The following ARMH1 variants were observed in gnomAD, a reference collection of about 807,000 sequenced individuals.
ARMH1 encodes the protein armadillo-like helical domain containing protein 1.
ARMH1 carries 34 observed loss-of-function variants against 50.2 expected under a neutral mutation model. The ratio of observed to expected loss-of-function variants is 0.68; its 90% CI spans 0.51 to 0.90. The LOEUF (loss-of-function observed/expected upper bound fraction) is 0.90, where lower values mean the gene tolerates loss of function less well. Among genes scored for constraint, ARMH1 ranks in the 40% least tolerant of loss-of-function variants. The pLI, the probability that ARMH1 is intolerant of heterozygous loss-of-function variation, is 0.00. For missense variants in ARMH1, 538 were observed against 553.9 expected (o/e 0.97, Z 0.29); for synonymous variants, 221 against 224.2 (o/e 0.99, Z 0.13).
In ARMH1 at chr1:44,707,695, C is replaced by T. The variant is rs561922677; in HGVS notation, c.724+3522C>T. ...CCTCCACATTCCAAAGTGCTGGGAT[C>T]ACAAGCGCAAGCCACTGCACCCAAC... On this transcript the variant is annotated intron_variant, in intron 6 of 11. Coordinates refer to ENST00000535358, the MANE Select transcript of ARMH1 (RefSeq NM_001145636.2). Among the ~76,000 whole-genome samples, 9 of 152,298 alleles carry T rather than the reference C, an allele frequency of 5.9e-5. No individual in the cohort carries two copies. The East Asian group carries it at 1.7e-3, about 29-fold the overall frequency.
chr1:44,697,029 C>T, intron 2 of ARMH1, 73 bp from the exon 3 acceptor site: 1 of 1,172,392 alleles, frequency 8.5e-7, no homozygotes, highest in Non-Finnish European at 1.2e-6. Context: ...GGGGTGGTAC[C>T]AGAGATCAGG....
At chr1:44,711,576 T>C (rs759414552) in intron 6 of ARMH1, among the ~76,000 whole-genome samples, 12 of 152,252 alleles carry the variant, frequency 7.9e-5, no homozygotes, top group Non-Finnish European at 1.6e-4. Context: ...TCATCAAATA[T>C]ATGGTTTCTC....
In ARMH1 at chr1:44,724,741, CG is replaced by C. The variant is rs1648016512; in HGVS notation, c.1051-20del. ...AGCCCCGTCGCCCCCGCAGTCACGC[CG>C]CCTCGCCCGCGCGGCGCAGTGCTTC... On this transcript the variant is annotated intron_variant, in intron 9 of 11. Coordinates refer to ENST00000535358, the MANE Select transcript of ARMH1 (RefSeq NM_001145636.2). This position sits in a 1 kb window ranked among gnomAD's most constrained non-coding sequence, Gnocchi z 6.4. 6.6e-7 allele frequency: 1 copy of C among 1,520,346 alleles called. No homozygotes were observed. The allele number at this position is 1,520,346 out of a possible 1,614,324, so 94.2% of individuals were successfully genotyped here.
chr1:44,676,367 G>T (rs140337675), intron 1 of ARMH1, among the ~76,000 whole-genome samples: 1 of 152,128 alleles, frequency 6.6e-6, no homozygotes, highest in African/African-American at 2.4e-5. Context: ...TGCAGTGTGG[G>T]AGTCTATGGG....
chr1:44,684,169 T>C (rs1389567477), intron 1 of ARMH1, among the ~76,000 whole-genome samples: 3 of 152,228 alleles, frequency 2.0e-5, no homozygotes, highest in Non-Finnish European at 4.4e-5. Context: ...CAAGCTTAGA[T>C]ACAATTTATC....
At position 44,704,183 on chromosome 1, in the gene ARMH1, C is replaced by A; in HGVS notation, c.724+10C>A. On this transcript the variant is annotated intron_variant, in intron 6 of 11. Coordinates refer to ENST00000535358, the MANE Select transcript of ARMH1 (RefSeq NM_001145636.2). ...GAAGTCCAGTATGAAGGTAGGGAGC[C>A]TCCAGATTGCAGAAGGGGGCACCGA... The A allele has an allele frequency of 6.5e-7, 1 of 1,548,734 alleles. No homozygotes were observed. The highest frequency in any genetic ancestry group is 1.4e-5 in the African/African-American group (1 of 73,068).
chr1:44,689,556 A>G (rs747547395), intron 1 of ARMH1, 120 bp from the exon 2 acceptor site: 8 of 762,826 alleles, frequency 1.0e-5, no homozygotes, highest in African/African-American at 3.5e-5. Flanking sequence ...TATTTTGCGC[A>G]TAACTACATC....
At chr1:44,722,781 C>T (rs1257041203) in intron 6 of ARMH1, among the ~76,000 whole-genome samples, 4 of 150,778 alleles carry the variant, frequency 2.7e-5, no homozygotes, top group Non-Finnish European at 4.4e-5. Flanking sequence ...CTGGGCCCAC[C>T]GGGCCCAGTG....
rs79662105 is a variant in ARMH1, at chr1:44,682,868, C to T, written c.-22-6808C>T. Among the ~76,000 whole-genome samples the T allele has an allele frequency of 0.052, 7,931 of 152,162 alleles. 292 individuals are homozygous for T. The highest frequency in any genetic ancestry group is 0.12 in the Middle Eastern group (34 of 294). On this transcript the variant is annotated intron_variant, in intron 1 of 11. Transcript: ENST00000535358. The surrounding 1 kb of genome is among the most constrained non-coding windows in gnomAD (Gnocchi z 4.5). ...GGTGGGAGGATCACTCGAGCCCAGGCGATTGAGGCTGCGGTAAGTTATGAT... is the reference window on the plus strand; with the variant it reads ...GGTGGGAGGATCACTCGAGCCCAGGTGATTGAGGCTGCGGTAAGTTATGAT...
intron 1 of ARMH1, among the ~76,000 whole-genome samples, chr1:44,675,835 C>T (rs967331060): frequency 6.6e-6 from 1 of 152,078 alleles, no homozygotes; most frequent in South Asian, 2.1e-4. Flanking sequence ...TGGTGCACAC[C>T]TGTAATCCCA....
At chr1:44,712,626 C>T (rs1358880998) in intron 6 of ARMH1, among the ~76,000 whole-genome samples, 1 of 150,762 alleles carries the variant, frequency 6.6e-6, no homozygotes, top group Non-Finnish European at 1.5e-5. Flanking sequence ...GCTTCATACC[C>T]CTCACAGGGT....
intron 6 of ARMH1, chr1:44,721,790 T>G (rs1271464912): frequency 1.3e-5 from 2 of 151,868 alleles, no homozygotes; most frequent in Non-Finnish European, 2.9e-5. Context: ...ACATTCAGCC[T>G]TGCCTAGGCA....
chr1:44,689,640 A>G, intron 1 of ARMH1, 36 bp from the exon 2 acceptor site: 1 of 1,476,452 alleles, frequency 6.8e-7, no homozygotes, highest in Non-Finnish European at 9.3e-7. Flanking sequence ...GATTCTAAAC[A>G]TTCCGGTAAC....
rs563099394 is a variant in ARMH1, at chr1:44,677,543, T to C, written c.-23+2670T>C. ...GTCAGAGAATCCACATCTGAGATCATTGAATGAGGGAGTTGTGATCAGAAA... is the reference window on the plus strand; with the variant it reads ...GTCAGAGAATCCACATCTGAGATCACTGAATGAGGGAGTTGTGATCAGAAA... On this transcript the variant is annotated intron_variant, in intron 1 of 11. Transcript: ENST00000535358. Among the ~76,000 whole-genome samples the C allele has an allele frequency of 9.9e-5, 15 of 152,250 alleles. No homozygotes were observed. In the East Asian group the frequency reaches 1.9e-3, roughly 20 times the overall value.
rs551210670 is a variant in ARMH1, at chr1:44,683,590, C to G, written c.-22-6086C>G. Among the ~76,000 whole-genome samples, 1 of 152,312 alleles carries G rather than the reference C, an allele frequency of 6.6e-6. No homozygotes were observed. Among genetic ancestry groups the G allele is most frequent in the East Asian group, 1.9e-4 (1 of 5,190 alleles). ...GTCATTCACAATCCATCAGAGAGAC[C>G]AAGCACGCTGGGACGGTGAGCTAAA... On this transcript the variant is annotated intron_variant, in intron 1 of 11. Coordinates refer to ENST00000535358, the MANE Select transcript of ARMH1 (RefSeq NM_001145636.2). This position sits in a 1 kb window ranked among gnomAD's most constrained non-coding sequence, Gnocchi z 4.2.
intron 6 of ARMH1, among the ~76,000 whole-genome samples, chr1:44,708,198 G>C (rs1225703981): frequency 1.3e-5 from 2 of 152,186 alleles, no homozygotes; most frequent in African/African-American, 2.4e-5. Context: ...TCCTACATGT[G>C]GTCCTAAACA....
At chr1:44,715,847 G>A (rs188879975) in intron 6 of ARMH1, among the ~76,000 whole-genome samples, 1 of 152,362 alleles carries the variant, frequency 6.6e-6, no homozygotes, top group Non-Finnish European at 1.5e-5. Flanking sequence ...ACAGGCGTGA[G>A]CCACTGCACC....
intron 6 of ARMH1, among the ~76,000 whole-genome samples, chr1:44,717,522 A>G (rs530130133): frequency 1.3e-5 from 2 of 152,190 alleles, no homozygotes; most frequent in South Asian, 2.1e-4. Flanking sequence ...CACTCCATCA[A>G]CCAACCTGGC....
In ARMH1 at chr1:44,683,901, C is replaced by T. The variant is rs1645386695; in HGVS notation, c.-22-5775C>T. Reference sequence around the variant, plus strand: ...GGTGCGGTGGCTCACACCTGTAATTCCAGCACTTTGGGAGGCCAAGGTGGG... The same window carrying T: ...GGTGCGGTGGCTCACACCTGTAATTTCAGCACTTTGGGAGGCCAAGGTGGG... On this transcript the variant is annotated intron_variant, in intron 1 of 11. Coordinates refer to ENST00000535358, the MANE Select transcript of ARMH1 (RefSeq NM_001145636.2). The surrounding 1 kb of genome is among the most constrained non-coding windows in gnomAD (Gnocchi z 4.2). Among the ~76,000 whole-genome samples the T allele has an allele frequency of 1.3e-5, 2 of 152,064 alleles. No individual in the cohort carries two copies. Among genetic ancestry groups the T allele is most frequent in the Admixed American group, 6.5e-5 (1 of 15,274 alleles).
Sources: allele counts gnomAD v4.1 joint callset (sites outside exome capture counted in the v4.1 genomes callset), GRCh38; gene constraint gnomAD v4.1.1; non-coding constraint Gnocchi (gnomAD v3.1); transcripts MANE v1.5; gene names NCBI Gene and HGNC (gene_info 2026-07-23, HGNC 2026-07-21).